MCF2: variants seen among roughly 807,000 people sequenced by gnomAD.
MCF2 encodes MCF.2 cell line derived transforming sequence.
A neutral mutation model predicts 82.5 loss-of-function variants in MCF2; 44 were observed. The observed-to-expected ratio is 0.53, with a 90% CI of 0.42 to 0.69. The LOEUF is 0.69. Among genes scored for constraint, MCF2 ranks in the 30% least tolerant of loss-of-function variants. MCF2 has a pLI of 0.00. For missense variants in MCF2, 623 were observed against 663.1 expected (o/e 0.94, Z 0.66); for synonymous variants, 217 against 224.9 (o/e 0.96, Z 0.32).
At chrX:139,686,097 C>T (rs1213291458) in intron 1 of MCF2, among the ~76,000 whole-genome samples, 1 of 107,956 alleles carries the variant, frequency 9.3e-6, no homozygotes, top group Non-Finnish European at 1.9e-5. Context: ...TCTCGATAAG[C>T]TAGGTATTGA....
At chrX:139,657,316 G>A (rs775947633) in intron 1 of MCF2, among the ~76,000 whole-genome samples, 9 of 111,952 alleles carry the variant, frequency 8.0e-5, no homozygotes, top group Admixed American at 3.8e-4. Context: ...TACAAACTTA[G>A]AAATCCAAAT....
intron 1 of MCF2, among the ~76,000 whole-genome samples, chrX:139,635,977 G>T: frequency 9.0e-6 from 1 of 110,841 alleles, no homozygotes; most frequent in Non-Finnish European, 1.9e-5. Flanking sequence ...AGTATTTAAG[G>T]AACTTAAACA....
intron 1 of MCF2, among the ~76,000 whole-genome samples, chrX:139,702,779 C>T (rs1331686897): frequency 8.9e-6 from 1 of 112,359 alleles, no homozygotes; most frequent in East Asian, 2.8e-4. Context: ...TGGTTCGAGC[C>T]AATATCAGGA....
intron 4 of MCF2, among the ~76,000 whole-genome samples, chrX:139,628,512 A>T (rs932990214): frequency 9.0e-6 from 1 of 111,325 alleles, no homozygotes; most frequent in Non-Finnish European, 1.9e-5. Flanking sequence ...AAAACTACCT[A>T]TCTGGTACTA....
intron 6 of MCF2, among the ~76,000 whole-genome samples, chrX:139,621,051 A>G (rs1932315019): frequency 1.8e-5 from 2 of 111,647 alleles, no homozygotes; most frequent in Non-Finnish European, 3.8e-5. Context: ...CCACGCATCT[A>G]CAACCATCAG....
At chrX:139,588,743 TCTACTA>T (rs200637334) in intron 20 of MCF2, among the ~76,000 whole-genome samples, 2 of 107,196 alleles carry the variant, frequency 1.9e-5, no homozygotes, top group African/African-American at 3.4e-5. Flanking sequence ...AAACCCCATC[TCTACTA>T]CTACTACTAC....
At chrX:139,605,177 A>C (rs1483160692) in intron 13 of MCF2, among the ~76,000 whole-genome samples, 193 bp from the exon 18 acceptor site, 2 of 105,190 alleles carry the variant, frequency 1.9e-5, no homozygotes, top group Non-Finnish European at 3.9e-5. Context: ...TTTTTTTTAG[A>C]AGGCAGGGCA....
At chrX:139,651,089 C>T (rs1207508090) in intron 2 of MCF2, among the ~76,000 whole-genome samples, 1 of 110,011 alleles carries the variant, frequency 9.1e-6, no homozygotes. Flanking sequence ...TTTGCAAGAC[C>T]TGAAACTCCG....
chrX:139,582,569 G>A lies in MCF2; in HGVS notation c.2746-66C>T, dbSNP rs1019985672. 9 of 809,495 alleles carry A rather than the reference G, an allele frequency of 1.1e-5. No individual in the cohort carries two copies. In the African/African-American group the frequency reaches 1.2e-4, roughly 11 times the overall value. The allele number at this position is 809,495 out of a possible 1,213,427, so 66.7% of individuals were successfully genotyped here. On this transcript the variant is annotated intron_variant, in intron 24 of 24. Transcript: ENST00000370576. ...TTGACCAAGTGAAGCCAAAAGAGCA[G>A]GTCATTCCAGCTTCTTGTTTTGGCA...
intron 10 of MCF2, among the ~76,000 whole-genome samples, chrX:139,613,542 C>A (rs1236141808): frequency 5.4e-5 from 6 of 111,136 alleles, no homozygotes; most frequent in Non-Finnish European, 1.1e-4. Flanking sequence ...CCTATCTTTA[C>A]AATAACCTGT....
chrX:139,691,806 T>C, intron 1 of MCF2: 1 of 584,805 alleles, frequency 1.7e-6, no homozygotes, highest in South Asian at 2.8e-5. Context: ...CGGGGAGGGG[T>C]GTGGACTGGA....
intron 1 of MCF2, chrX:139,702,168 C>G (rs1286384414): frequency 1.8e-5 from 2 of 112,022 alleles, no homozygotes; most frequent in Non-Finnish European, 3.8e-5. Flanking sequence ...GAATTTTGTT[C>G]GTTCATAGCA....
chrX:139,696,598 A>T (rs1475477752), intron 1 of MCF2, among the ~76,000 whole-genome samples: 3 of 104,588 alleles, frequency 2.9e-5, no homozygotes, highest in Admixed American at 1.0e-4. Flanking sequence ...TAATTTTTCT[A>T]TTTTTTTTTT....
At chrX:139,678,381 A>G (rs1351910472) in intron 1 of MCF2, among the ~76,000 whole-genome samples, 2 of 111,771 alleles carry the variant, frequency 1.8e-5, no homozygotes, top group African/African-American at 6.5e-5. Context: ...GAGAAAATAT[A>G]GTATGATATC....
intron 13 of MCF2, among the ~76,000 whole-genome samples, 171 bp from the exon 18 acceptor site, chrX:139,605,155 ACT>A (rs1491411264): frequency 1.3e-5 from 1 of 76,314 alleles, no homozygotes; most frequent in African/African-American, 5.5e-5. Flanking sequence ...GTTATCCATG[ACT>A]TTTTTTTTTT....
intron 2 of MCF2, among the ~76,000 whole-genome samples, chrX:139,649,231 G>T (rs1402675154): frequency 5.4e-5 from 6 of 111,685 alleles, no homozygotes; most frequent in African/African-American, 1.6e-4. Flanking sequence ...TAAATCAAAG[G>T]GTTATTAATC....
intron 3 of MCF2, 76 bp from the exon 7 acceptor site, chrX:139,629,920 T>C (rs1455367846): frequency 7.0e-6 from 6 of 853,143 alleles, no homozygotes; most frequent in Non-Finnish European, 1.0e-5. Flanking sequence ...GTAAGTGTAT[T>C]TGTTTTTATT....
chrX:139,660,691 T>C (rs1483310224), intron 1 of MCF2, among the ~76,000 whole-genome samples: 1 of 112,584 alleles, frequency 8.9e-6, no homozygotes, highest in Non-Finnish European at 1.9e-5. Flanking sequence ...AAACAATCTA[T>C]GCAGTGCTTT....
At chrX:139,629,995 T>C (rs1396013344) in intron 3 of MCF2, 151 bp from the exon 7 acceptor site, 2 of 382,125 alleles carry the variant, frequency 5.2e-6, no homozygotes, top group Admixed American at 4.5e-5. Context: ...GGCATTGCTC[T>C]TGGCAATCAA....
Sources: gnomAD v4.1 joint callset for allele counts (sites outside exome capture counted in the v4.1 genomes callset) on GRCh38, gnomAD v4.1.1 for gene constraint, MANE v1.5 for transcripts, NCBI Gene and HGNC (gene_info 2026-07-23, HGNC 2026-07-21) for gene names.